Variants in SMYD3 observed in about 807,000 individuals in gnomAD.
SMYD3 encodes the protein histone-lysine N-methyltransferase SMYD3.
SMYD3 carries 36 observed loss-of-function variants against 57.7 expected under a neutral mutation model. That is an observed-to-expected ratio of 0.62 (90% CI 0.48 to 0.82). SMYD3 has a LOEUF of 0.82. SMYD3 is among the 40% of genes least tolerant of loss of function. The pLI is 0.00. For synonymous variants in SMYD3, 211 were observed against 195.0 expected (o/e 1.08, Z -0.68); for missense variants, 515 against 538.8 (o/e 0.96, Z 0.44).
chr1:245,955,161 A>G (rs6700500), intron 5 of SMYD3, among the ~76,000 whole-genome samples: 38,170 of 151,958 alleles, frequency 0.25, 5,193 homozygotes, highest in East Asian at 0.53. Flanking sequence ...GCGCGATCTC[A>G]GCTCACTGCA....
chr1:245,803,786 T>C (rs2047994725), intron 10 of SMYD3, among the ~76,000 whole-genome samples: 1 of 152,186 alleles, frequency 6.6e-6, no homozygotes, highest in African/African-American at 2.4e-5. Flanking sequence ...ATGTGCCTGA[T>C]TTTGAAGCCA....
intron 5 of SMYD3, among the ~76,000 whole-genome samples, chr1:246,227,756 G>A (rs1332908224): frequency 2.0e-5 from 3 of 152,072 alleles, no homozygotes. Context: ...TGAACTTGAA[G>A]AGATCACTTA....
intron 5 of SMYD3, among the ~76,000 whole-genome samples, chr1:245,962,963 C>G (rs529676384): frequency 8.8e-4 from 134 of 152,284 alleles, no homozygotes; most frequent in African/African-American, 2.8e-3. Flanking sequence ...CTAGAGACCA[C>G]TGGATTGCCG....
At chr1:246,036,988 T>C (rs1452283108) in intron 5 of SMYD3, among the ~76,000 whole-genome samples, 1 of 152,200 alleles carries the variant, frequency 6.6e-6, no homozygotes. Context: ...TCGTTTTTTA[T>C]GGCTTCAGAG....
At chr1:245,937,190 A>T (rs2057022101) in intron 5 of SMYD3, among the ~76,000 whole-genome samples, 2 of 152,152 alleles carry the variant, frequency 1.3e-5, no homozygotes, top group Non-Finnish European at 2.9e-5. Flanking sequence ...AGACACACAA[A>T]ATCCTCAACA....
In SMYD3 at chr1:246,024,357, G is replaced by A. The variant is rs1346589647; in HGVS notation, c.532-94420C>T. On this transcript the variant is annotated intron_variant, in intron 5 of 11. Transcript: ENST00000490107. ...AGCATCTAGGAAGGAGATACAGGAA[G>A]TGGACAGCATCTAGGAAGGGAGATA... Among the ~76,000 whole-genome samples, 18 of 145,550 alleles carry A rather than the reference G, an allele frequency of 1.2e-4. No homozygotes were observed. The Admixed American group carries it at 1.3e-3, about 10-fold the overall frequency.
intron 1 of SMYD3, among the ~76,000 whole-genome samples, chr1:246,397,860 C>G (rs1296698602): frequency 6.7e-6 from 1 of 149,974 alleles, no homozygotes; most frequent in African/African-American, 2.5e-5. Context: ...AGAAAACAGG[C>G]CTTGTGTGTT....
At chr1:246,312,440 C>A (rs980235530) in intron 5 of SMYD3, among the ~76,000 whole-genome samples, 1 of 151,916 alleles carries the variant, frequency 6.6e-6, no homozygotes, top group Admixed American at 6.6e-5. Flanking sequence ...AAAAATAAAA[C>A]AATAGAGTCA....
intron 5 of SMYD3, among the ~76,000 whole-genome samples, chr1:246,275,405 G>A (rs1313455582): frequency 7.0e-6 from 1 of 143,056 alleles, no homozygotes; most frequent in Non-Finnish European, 1.5e-5. Flanking sequence ...GTTATTTAAT[G>A]TTTCTAGTGG....
intron 5 of SMYD3, among the ~76,000 whole-genome samples, chr1:246,233,052 CCTT>C (rs1326967010): frequency 1.8e-3 from 245 of 132,960 alleles, no homozygotes; most frequent in Admixed American, 3.7e-3. Context: ...GAGAAGCACT[CCTT>C]CAATTCACAC....
Position 246,187,910 on chromosome 1 carries a change from T to C in SMYD3, c.531+139291A>G, listed in dbSNP as rs114864222. On this transcript the variant is annotated intron_variant, in intron 5 of 11. Coordinates refer to ENST00000490107, the MANE Select transcript of SMYD3 (RefSeq NM_001167740.2). ...GAAGTCCCCCTAAGAACAGTTCTCT[T>C]CATTGTCGTATCAATGGTCTTGGTG... Among the ~76,000 whole-genome samples, 280 of 152,078 alleles carry C rather than the reference T, an allele frequency of 1.8e-3. 3 individuals carry two copies. The highest frequency in any genetic ancestry group is 6.4e-3 in the African/African-American group (267 of 41,440).
At chr1:246,183,866 T>G (rs1275724278) in intron 5 of SMYD3, among the ~76,000 whole-genome samples, 1 of 152,182 alleles carries the variant, frequency 6.6e-6, no homozygotes, top group Non-Finnish European at 1.5e-5. Context: ...GAGAAGTAAA[T>G]GCGGTAGAAA....
intron 5 of SMYD3, among the ~76,000 whole-genome samples, chr1:246,291,221 G>T (rs868294503): frequency 2.0e-5 from 3 of 152,160 alleles, no homozygotes; most frequent in African/African-American, 7.2e-5. Flanking sequence ...TTTCTTTCCC[G>T]ACTACTTGTA....
intron 5 of SMYD3, among the ~76,000 whole-genome samples, chr1:246,074,950 A>ACT (rs1558205050): frequency 6.8e-6 from 1 of 146,992 alleles, no homozygotes; most frequent in Admixed American, 6.7e-5. Flanking sequence ...ACACACACAC[A>ACT]CTTCAGAGGA....
chr1:245,933,552 C>T (rs577997559), intron 5 of SMYD3, among the ~76,000 whole-genome samples: 1 of 152,166 alleles, frequency 6.6e-6, no homozygotes, highest in East Asian at 1.9e-4. Context: ...TTTATAAAAA[C>T]AACTACAGTG....
chr1:246,362,002 T>C (rs112642840), intron 1 of SMYD3, among the ~76,000 whole-genome samples: 2,460 of 152,206 alleles, frequency 0.016, 63 homozygotes, highest in African/African-American at 0.056. Flanking sequence ...CCTGGACCCA[T>C]AGATCTCCAT....
intron 5 of SMYD3, among the ~76,000 whole-genome samples, chr1:246,174,733 C>T (rs1219834004): frequency 2.0e-5 from 3 of 152,160 alleles, no homozygotes; most frequent in Admixed American, 6.5e-5. Context: ...AGGTACACAC[C>T]GCTGCATGAC....
At chr1:246,380,057 C>A (rs972900604) in intron 1 of SMYD3, among the ~76,000 whole-genome samples, 1 of 151,336 alleles carries the variant, frequency 6.6e-6, no homozygotes, top group Non-Finnish European at 1.5e-5. Context: ...GAAAAGTCAA[C>A]GTCCATACCC....
chr1:246,177,945 C>A (rs896790790), intron 5 of SMYD3, among the ~76,000 whole-genome samples: 2 of 152,150 alleles, frequency 1.3e-5, no homozygotes, highest in African/African-American at 4.8e-5. Context: ...TCTCTTGGTT[C>A]CTGCTTTCAA....
Sources: allele counts gnomAD v4.1 joint callset (sites outside exome capture counted in the v4.1 genomes callset), GRCh38; gene constraint gnomAD v4.1.1; transcripts MANE v1.5; gene names NCBI Gene and HGNC (gene_info 2026-07-23, HGNC 2026-07-21).